Variants in CAMK2G observed in about 807,000 individuals in gnomAD.
The protein encoded by CAMK2G is calcium/calmodulin-dependent protein kinase type II subunit gamma.
A neutral mutation model predicts 88.7 loss-of-function variants in CAMK2G; 23 were observed. The ratio of observed to expected loss-of-function variants is 0.26; its 90% CI spans 0.19 to 0.37. CAMK2G has a LOEUF of 0.37. Among genes scored for constraint, CAMK2G ranks in the 10% least tolerant of loss-of-function variants. The probability of loss-of-function intolerance (pLI) is 1.00; values close to 1 mark genes in which losing one functional copy is unlikely to be tolerated. For missense variants in CAMK2G, 476 were observed against 780.8 expected, an observed-to-expected ratio of 0.61 and a Z score of 4.65; for synonymous variants, 263 against 294.8, an observed-to-expected ratio of 0.89 and a Z score of 1.11.
intron 2 of CAMK2G, among the ~76,000 whole-genome samples, chr10:73,863,351 C>A (rs546396210): frequency 6.6e-6 from 1 of 152,322 alleles, no homozygotes; most frequent in East Asian, 1.9e-4. Flanking sequence ...GGCCAGTGAC[C>A]TCCAGAAGCG....
chr10:73,820,234 AAAGAG>A (rs2087432967), intron 18 of CAMK2G, among the ~76,000 whole-genome samples: 1 of 151,882 alleles, frequency 6.6e-6, no homozygotes, highest in Non-Finnish European at 1.5e-5. Context: ...AGGCCCAATC[AAAGAG>A]CAGGACAGAG....
At chr10:73,815,346 C>T (rs896638809) in intron 21 of CAMK2G, 99 bp from the exon 22 acceptor site, 4 of 813,258 alleles carry the variant, frequency 4.9e-6, no homozygotes, top group Admixed American at 2.2e-5. Context: ...CCCAAGCAAC[C>T]ACTCCCAGAA....
At position 73,817,770 on chromosome 10, in the gene CAMK2G, A is replaced by C. The variant is rs969095802; in HGVS notation, c.1364-216T>G. Reference sequence around the variant, plus strand: ...CAATGACCACTTTCTCCTGAAGCCCAGCCATTAGTTATGGTTCTTTGGCCT... The same window carrying C: ...CAATGACCACTTTCTCCTGAAGCCCCGCCATTAGTTATGGTTCTTTGGCCT... On this transcript the variant is annotated intron_variant, in intron 19 of 22. Coordinates refer to ENST00000423381, the MANE Select transcript of CAMK2G (RefSeq NM_001367534.1). 6 of 573,306 alleles carry C rather than the reference A, an allele frequency of 1.0e-5. No homozygotes were observed. In the African/African-American group the frequency reaches 1.1e-4, roughly 11 times the overall value. 35.5% of individuals were successfully genotyped at this position (573,306 alleles called of 1,614,324 possible).
rs529550833 is a variant in CAMK2G, at chr10:73,842,001, G to C, written c.946+168C>G. The C allele has an allele frequency of 1.3e-5, 9 of 669,370 alleles. No homozygotes were observed. The highest frequency in any genetic ancestry group is 2.4e-5 in the Non-Finnish European group (9 of 369,558). 41.5% of individuals were successfully genotyped at this position (669,370 alleles called of 1,614,324 possible). ...GTGAGTCCAGCCCCCTGAATCTCAG[G>C]AGCAGGACTCAGCAGCAGCAGCAGC... On this transcript the variant is annotated intron_variant, in intron 12 of 22. Transcript: ENST00000423381. The surrounding 1 kb of genome is among the most constrained non-coding windows in gnomAD (Gnocchi z 4.6).
At chr10:73,824,654 T>G (rs2090312387) in intron 16 of CAMK2G, among the ~76,000 whole-genome samples, 1 of 151,270 alleles carries the variant, frequency 6.6e-6, no homozygotes, top group Admixed American at 6.6e-5. Context: ...AGGAGGGGAG[T>G]AGCAGGCAAC....
At chr10:73,853,157 G>A (rs770141608) in intron 4 of CAMK2G, 35 bp downstream of exon 4, 3 of 1,601,726 alleles carry the variant, frequency 1.9e-6, no homozygotes, top group African/African-American at 2.7e-5. Flanking sequence ...CAGCTAGAGG[G>A]AAAGGCCCCC....
intron 5 of CAMK2G, 84 bp from the exon 6 acceptor site, chr10:73,849,417 C>A: frequency 2.1e-6 from 2 of 966,126 alleles, no homozygotes; most frequent in Non-Finnish European, 1.6e-6. Context: ...CAGACTAAGG[C>A]ATGTGACAAG....
At chr10:73,843,799 T>G (rs1170692149) in intron 10 of CAMK2G, among the ~76,000 whole-genome samples, 1 of 152,188 alleles carries the variant, frequency 6.6e-6, no homozygotes, top group African/African-American at 2.4e-5. Flanking sequence ...GTCTCTCATT[T>G]TACCTCCTCC....
In CAMK2G at chr10:73,848,146, A is replaced by G. The variant is rs1406753239; in HGVS notation, c.602-64T>C. 8.9e-6 allele frequency: 9 copies of G among 1,012,410 alleles called. No individual in the cohort carries two copies. Among genetic ancestry groups the G allele is most frequent in the African/African-American group, 7.9e-5 (5 of 63,286 alleles). The allele number at this position is 1,012,410 out of a possible 1,614,324, so 62.7% of individuals were successfully genotyped here. A position where few individuals can be genotyped will look rare whatever the true frequency, so the allele number is the denominator to read the frequency against. The stretch of plus-strand genomic sequence containing the variant: ...CTACTTCCCTGAGGAACCAAGAAAA[A>G]CCATGCAGGGCTCAGAGCCACCTAG... On this transcript the variant is annotated intron_variant, in intron 8 of 22. Coordinates refer to ENST00000423381, the MANE Select transcript of CAMK2G (RefSeq NM_001367534.1). This position sits in a 1 kb window ranked among gnomAD's most constrained non-coding sequence, Gnocchi z 4.5.
In CAMK2G at chr10:73,813,326, T is replaced by A. The variant is rs1217665605; in HGVS notation, c.*1192A>T. 6.6e-6 allele frequency: 1 copy of A among 152,670 alleles called. No homozygotes were observed. Among genetic ancestry groups the A allele is most frequent in the African/African-American group, 2.4e-5 (1 of 41,440 alleles). 9.5% of individuals were successfully genotyped at this position (152,670 alleles called of 1,614,324 possible). A position where few individuals can be genotyped will look rare whatever the true frequency, so the allele number is the denominator to read the frequency against. ...ACTTCAGTTGGTCAGTAAAGAGGCC[T>A]CTGTAAGGACACCTCTTCTTCTTGC... On this transcript the variant is annotated 3_prime_UTR_variant, in exon 23 of 23. Coordinates refer to ENST00000423381, the MANE Select transcript of CAMK2G (RefSeq NM_001367534.1).
chr10:73,826,654 G>C (rs2133694092), intron 15 of CAMK2G, among the ~76,000 whole-genome samples: 1 of 152,320 alleles, frequency 6.6e-6, no homozygotes. Flanking sequence ...ATGCCTGCAA[G>C]TTCTTCAATA....
At chr10:73,843,028 A>C (rs1359201449) in intron 10 of CAMK2G, among the ~76,000 whole-genome samples, 1 of 152,126 alleles carries the variant, frequency 6.6e-6, no homozygotes, top group African/African-American at 2.4e-5. Context: ...CCAGAAGCTA[A>C]GGATCGTCAC....
At chr10:73,850,014 G>C (rs906511135) in intron 5 of CAMK2G, among the ~76,000 whole-genome samples, 9 of 152,106 alleles carry the variant, frequency 5.9e-5, no homozygotes, top group African/African-American at 2.2e-4. Flanking sequence ...TTTTATTTTT[G>C]AGACAGGGTC....
intron 9 of CAMK2G, 142 bp downstream of exon 9, chr10:73,847,846 G>A: frequency 1.7e-6 from 1 of 594,920 alleles, no homozygotes; most frequent in Admixed American, 2.8e-5. Context: ...TTGGGCCCTG[G>A]ATGCCCATTC....
intron 10 of CAMK2G, among the ~76,000 whole-genome samples, chr10:73,846,152 A>T (rs1182189525): frequency 1.1e-4 from 16 of 152,084 alleles, no homozygotes. Flanking sequence ...CCCTTAAATG[A>T]TTCCCTATGT....
chr10:73,852,936 C>T (rs2094738177), intron 4 of CAMK2G: 3 of 508,250 alleles, frequency 5.9e-6, no homozygotes, highest in African/African-American at 4.0e-5. Context: ...AAGACAAAGG[C>T]ATCTGTGCAA....
chr10:73,866,557 T>C (rs1176764529), intron 2 of CAMK2G, among the ~76,000 whole-genome samples: 1 of 152,160 alleles, frequency 6.6e-6, no homozygotes, highest in East Asian at 1.9e-4. Context: ...AGGATGCACA[T>C]TCCTACTCTG....
chr10:73,815,880 G>A (rs1282582853), intron 21 of CAMK2G: 2 of 985,130 alleles, frequency 2.0e-6, no homozygotes, highest in African/African-American at 3.5e-5. Context: ...TGTGAAAACT[G>A]TGTTGCTTTT....
intron 1 of CAMK2G, 47 bp downstream of exon 1, chr10:73,874,350 C>T: frequency 3.0e-6 from 4 of 1,345,384 alleles, no homozygotes; most frequent in Non-Finnish European, 4.0e-6. Context: ...AGCCGCATAG[C>T]TCCCGGGCGG....
Sources: gnomAD v4.1 joint callset for allele counts (sites outside exome capture counted in the v4.1 genomes callset) on GRCh38, gnomAD v4.1.1 for gene constraint, Gnocchi (gnomAD v3.1) non-coding constraint, MANE v1.5 for transcripts, NCBI Gene and HGNC (gene_info 2026-07-23, HGNC 2026-07-21) for gene names.